LPP: variants seen among roughly 807,000 people sequenced by gnomAD.
LPP encodes lipoma-preferred partner.
A neutral mutation model predicts 60.4 loss-of-function variants in LPP; 38 were observed. The observed-to-expected ratio is 0.63, with a 90% CI of 0.49 to 0.83. The LOEUF is 0.83. Among genes scored for constraint, LPP ranks in the 40% least tolerant of loss-of-function variants. The probability of loss-of-function intolerance (pLI) is 0.00; values close to 1 mark genes in which losing one functional copy is unlikely to be tolerated. For missense variants in LPP, 902 were observed against 783.6 expected (o/e 1.15, Z -1.80); for synonymous variants, 328 against 290.8 (o/e 1.13, Z -1.30).
chr3:188,225,411 A>C lies in LPP; in HGVS notation c.-183A>C, dbSNP rs549269817. ...ACCCTTCTGTTTTTCATAGGTGGGAACTTTGAGGCTCAGAGACAGAGCAGA... is the reference window on the plus strand; with the variant it reads ...ACCCTTCTGTTTTTCATAGGTGGGACCTTTGAGGCTCAGAGACAGAGCAGA... On this transcript the variant is annotated 5_prime_UTR_variant, in exon 2 of 12. Transcript: ENST00000617246. 2.0e-5 allele frequency: 3 copies of C among 152,278 alleles called. No individual in the cohort carries two copies. The South Asian group carries it at 6.2e-4, about 32-fold the overall frequency. The allele number at this position is 152,278 out of a possible 1,614,324, so 9.4% of individuals were successfully genotyped here.
At chr3:188,727,128 G>C (rs528073070) in intron 8 of LPP, among the ~76,000 whole-genome samples, 5 of 152,274 alleles carry the variant, frequency 3.3e-5, no homozygotes, top group African/African-American at 1.2e-4. Flanking sequence ...AAAGTAGCTT[G>C]GGTCTGAATT....
intron 2 of LPP, among the ~76,000 whole-genome samples, chr3:188,286,341 C>T (rs1743905757): frequency 6.6e-6 from 1 of 152,080 alleles, no homozygotes; most frequent in African/African-American, 2.4e-5. Context: ...TTGAGTGACT[C>T]AACATGCTTA....
intron 8 of LPP, among the ~76,000 whole-genome samples, chr3:188,746,287 A>C (rs947360976): frequency 1.3e-5 from 2 of 152,122 alleles, no homozygotes; most frequent in Non-Finnish European, 2.9e-5. Flanking sequence ...TCTAATGCCT[A>C]TAAGGGAACT....
intron 9 of LPP, among the ~76,000 whole-genome samples, chr3:188,786,374 C>A (rs1224683832): frequency 9.1e-6 from 1 of 109,780 alleles, no homozygotes; most frequent in East Asian, 2.6e-4. Flanking sequence ...CAGCGTGAGA[C>A]TCCGTCTCAA....
At chr3:188,409,144 A>G (rs1578681728) in intron 4 of LPP, among the ~76,000 whole-genome samples, 2 of 152,298 alleles carry the variant, frequency 1.3e-5, no homozygotes, top group Non-Finnish European at 2.9e-5. Flanking sequence ...TGCACTGCTC[A>G]GTGATGCTTC....
chr3:188,780,493 G>A (rs187154457), intron 9 of LPP, among the ~76,000 whole-genome samples: 1 of 152,234 alleles, frequency 6.6e-6, no homozygotes, highest in African/African-American at 2.4e-5. Flanking sequence ...TAAAGAGGGT[G>A]ACATTCCCAA....
intron 7 of LPP, among the ~76,000 whole-genome samples, chr3:188,670,726 A>G (rs1173169122): frequency 6.6e-6 from 1 of 152,114 alleles, no homozygotes; most frequent in Non-Finnish European, 1.5e-5. Context: ...GGCACATTTG[A>G]AGATTATACT....
intron 5 of LPP, among the ~76,000 whole-genome samples, chr3:188,506,830 C>T (rs1206190692): frequency 6.6e-6 from 1 of 152,068 alleles, no homozygotes; most frequent in African/African-American, 2.4e-5. Context: ...TGGAGTCTTG[C>T]TCTGTTGCCC....
chr3:188,380,302 T>C (rs1343006475), intron 3 of LPP, among the ~76,000 whole-genome samples: 2 of 152,272 alleles, frequency 1.3e-5, no homozygotes, highest in African/African-American at 4.8e-5. Context: ...TGTTGTTCTT[T>C]GGGCACTTGC....
intron 2 of LPP, among the ~76,000 whole-genome samples, chr3:188,303,301 C>T (rs947750280): frequency 1.2e-4 from 18 of 152,144 alleles, no homozygotes; most frequent in African/African-American, 2.7e-4. Context: ...ATTTGGTCTG[C>T]GTGCCACAGG....
At chr3:188,332,592 C>T (rs909534224) in intron 2 of LPP, among the ~76,000 whole-genome samples, 1 of 152,058 alleles carries the variant, frequency 6.6e-6, no homozygotes, top group Admixed American at 6.6e-5. Flanking sequence ...ACTTTGGGTT[C>T]GGATTCAAGA....
intron 3 of LPP, among the ~76,000 whole-genome samples, chr3:188,404,678 C>T (rs1250708812): frequency 6.6e-6 from 1 of 152,336 alleles, no homozygotes; most frequent in South Asian, 2.1e-4. Context: ...CACCCTGTCT[C>T]TCTATTACTA....
At chr3:188,632,005 C>T (rs1847924161) in intron 7 of LPP, among the ~76,000 whole-genome samples, 1 of 152,128 alleles carries the variant, frequency 6.6e-6, no homozygotes, top group Non-Finnish European at 1.5e-5. Flanking sequence ...CTCCCAAGAC[C>T]TTAGTAGGGG....
intron 9 of LPP, among the ~76,000 whole-genome samples, chr3:188,799,329 G>C (rs6785979): frequency 0.63 from 96,468 of 152,038 alleles, 31,057 homozygotes; most frequent in East Asian, 0.91. Flanking sequence ...TTACATTCGC[G>C]ATGGGTACAA....
At chr3:188,762,144 T>C (rs1732577567) in intron 9 of LPP, among the ~76,000 whole-genome samples, 2 of 152,230 alleles carry the variant, frequency 1.3e-5, no homozygotes, top group South Asian at 2.1e-4. Flanking sequence ...TGAAATCATA[T>C]AGACAGTATT....
chr3:188,796,185 G>A (rs985704568), intron 9 of LPP, among the ~76,000 whole-genome samples: 5 of 152,202 alleles, frequency 3.3e-5, no homozygotes, highest in African/African-American at 1.2e-4. Context: ...ATTAAGACAG[G>A]CATTCCTAAG....
intron 2 of LPP, among the ~76,000 whole-genome samples, chr3:188,327,188 G>A (rs78005038): frequency 0.022 from 3,367 of 152,226 alleles, 124 homozygotes; most frequent in African/African-American, 0.077. Context: ...GGTGAGAAAA[G>A]CCAGTACTCC....
rs1491561001 is a variant in LPP at position 188,613,292 on chromosome 3, CTA to C, written c.1113+3452_1113+3453del. ...TCTATATCTATATCTATATCTATATCTATATCTATATCTATATCTATATATAT... is the reference window on the plus strand; with the variant it reads ...TCTATATCTATATCTATATCTATATCTATCTATATCTATATCTATATATAT... On this transcript the variant is annotated intron_variant, in intron 7 of 11. Coordinates refer to ENST00000617246, the MANE Select transcript of LPP (RefSeq NM_001375462.1). 7.1e-3 allele frequency among the ~76,000 whole-genome samples: 1,023 copies of C among 143,280 alleles called. 11 individuals are homozygous for C. Among genetic ancestry groups the C allele is most frequent in the African/African-American group, 0.025 (968 of 38,804 alleles). The allele number at this position is 143,280 out of a possible 152,430, so 94.0% of individuals were successfully genotyped here.
At chr3:188,295,483 G>A (rs141011481) in intron 2 of LPP, among the ~76,000 whole-genome samples, 104 of 152,276 alleles carry the variant, frequency 6.8e-4, no homozygotes, top group African/African-American at 2.4e-3. Context: ...TAGGCCCTTC[G>A]TTGAGCAGTG....
Sources: gnomAD v4.1 joint callset for allele counts (sites outside exome capture counted in the v4.1 genomes callset) on GRCh38, gnomAD v4.1.1 for gene constraint, MANE v1.5 for transcripts, NCBI Gene and HGNC (gene_info 2026-07-23, HGNC 2026-07-21) for gene names.